SUDS3: variants seen among roughly 807,000 people sequenced by gnomAD.
The protein encoded by SUDS3 is SIN3A corepressor complex component SDS3.
In SUDS3, 23 loss-of-function variants were observed where a neutral mutation model predicts 53.5. The observed-to-expected ratio is 0.43, with a 90% CI of 0.31 to 0.61. SUDS3 has a LOEUF of 0.61. Among genes scored for constraint, SUDS3 ranks in the 20% least tolerant of loss-of-function variants. The pLI is 0.10. For missense variants in SUDS3, 291 were observed against 405.9 expected, an observed-to-expected ratio of 0.72 and a Z score of 2.43; for synonymous variants, 150 against 148.5, an observed-to-expected ratio of 1.01 and a Z score of -0.08.
At chr12:118,382,917 C>T (rs1232541285) in intron 2 of SUDS3, among the ~76,000 whole-genome samples, 4 of 152,070 alleles carry the variant, frequency 2.6e-5, no homozygotes, top group Middle Eastern at 3.2e-3. Flanking sequence ...ATCCACCCGC[C>T]TCGGCCTCCT....
intron 10 of SUDS3, among the ~76,000 whole-genome samples, chr12:118,408,002 A>G (rs2046323248): frequency 6.6e-6 from 1 of 151,534 alleles, no homozygotes; most frequent in African/African-American, 2.4e-5. Context: ...CCCGAGTTCA[A>G]GCTGTTCTCT....
At chr12:118,407,145 C>T (rs2046315503) in intron 10 of SUDS3, among the ~76,000 whole-genome samples, 1 of 152,170 alleles carries the variant, frequency 6.6e-6, no homozygotes, top group Non-Finnish European at 1.5e-5. Flanking sequence ...AGTGATCCTC[C>T]TGCCTCAGCC....
At chr12:118,395,050 G>A (rs528951259) in intron 6 of SUDS3, among the ~76,000 whole-genome samples, 24 of 152,104 alleles carry the variant, frequency 1.6e-4, no homozygotes, top group Admixed American at 1.4e-3. Flanking sequence ...TAAGTTTCAC[G>A]CGTATGCAAT....
At chr12:118,400,581 G>A (rs564495298) in intron 6 of SUDS3, 78 bp from the exon 7 acceptor site, 13 of 1,381,618 alleles carry the variant, frequency 9.4e-6, no homozygotes, top group African/African-American at 7.1e-5. Context: ...CTGGGGGGCA[G>A]ATATTCTTAT....
At chr12:118,406,875 G>A (rs975831712) in intron 10 of SUDS3, among the ~76,000 whole-genome samples, 4 of 132,632 alleles carry the variant, frequency 3.0e-5, no homozygotes, top group African/African-American at 8.8e-5. Flanking sequence ...ATCTTTAACC[G>A]CCCCCGCCCC....
intron 10 of SUDS3, among the ~76,000 whole-genome samples, chr12:118,407,792 C>T (rs904321010): frequency 3.3e-5 from 5 of 151,306 alleles, no homozygotes; most frequent in African/African-American, 1.2e-4. Context: ...AATCTTGGCT[C>T]ACTGCAGACT....
intron 10 of SUDS3, 64 bp downstream of exon 10, chr12:118,403,581 G>A: frequency 2.3e-6 from 3 of 1,309,294 alleles, no homozygotes; most frequent in South Asian, 1.3e-5. Flanking sequence ...AGAGGGCTGG[G>A]GCTATTGTAG....
At chr12:118,412,215 C>T (rs1015795285) in intron 11 of SUDS3, among the ~76,000 whole-genome samples, 1 of 152,168 alleles carries the variant, frequency 6.6e-6, no homozygotes, top group Non-Finnish European at 1.5e-5. Context: ...AGTATATAAG[C>T]AATGTGTAAC....
chr12:118,402,255 T>C (rs1453453912), intron 9 of SUDS3: 1 of 542,412 alleles, frequency 1.8e-6, no homozygotes, highest in Non-Finnish European at 3.2e-6. Context: ...TTTGATTGAT[T>C]GATTGATTTC....
chr12:118,390,600 C>T (rs1183517738), intron 5 of SUDS3, among the ~76,000 whole-genome samples: 1 of 152,166 alleles, frequency 6.6e-6, no homozygotes, highest in African/African-American at 2.4e-5. Flanking sequence ...AAGTGAGGTA[C>T]TCACATCCTT....
intron 4 of SUDS3, among the ~76,000 whole-genome samples, chr12:118,388,111 G>GGGTT (rs2046131267): frequency 6.6e-6 from 1 of 152,254 alleles, no homozygotes; most frequent in African/African-American, 2.4e-5. Context: ...CAGATCTGAA[G>GGGTT]CTGTTATAGG....
chr12:118,410,589 TTTA>T (rs202106438), intron 10 of SUDS3, among the ~76,000 whole-genome samples: 15,238 of 138,766 alleles, frequency 0.11, 1,016 homozygotes, highest in Middle Eastern at 0.18. Flanking sequence ...ATTTTATTTA[TTTA>T]TTTATTTATT....
chr12:118,383,912 G>T, intron 2 of SUDS3, 100 bp from the exon 3 acceptor site: 1 of 1,059,430 alleles, frequency 9.4e-7, no homozygotes, highest in South Asian at 1.5e-5. Flanking sequence ...GGACATTAAT[G>T]ACCTTCCCAT....
rs144448883 is a variant in SUDS3, at chr12:118,396,493, A to G, written c.518-4166A>G. Among the ~76,000 whole-genome samples, 263 of 152,206 alleles carry G rather than the reference A, an allele frequency of 1.7e-3. 4 individuals carry two copies. In the East Asian group the frequency reaches 0.022, roughly 13 times the overall value. ...GGTCTTGAACTCCTGGGCTCAAGCA[A>G]TCCACCCTCCTTGGCCCCCCCAAAG... On this transcript the variant is annotated intron_variant, in intron 6 of 11. Transcript: ENST00000543473.
chr12:118,397,248 G>T (rs1349138815), intron 6 of SUDS3, among the ~76,000 whole-genome samples: 3 of 152,070 alleles, frequency 2.0e-5, no homozygotes, highest in Non-Finnish European at 4.4e-5. Context: ...ACACCCCAGG[G>T]TCTGAGCTTC....
At chr12:118,394,890 T>C (rs1309560420) in intron 6 of SUDS3, among the ~76,000 whole-genome samples, 1 of 152,166 alleles carries the variant, frequency 6.6e-6, no homozygotes, top group African/African-American at 2.4e-5. Flanking sequence ...TTTGCCATGT[T>C]GCGTAGCTGG....
intron 7 of SUDS3, among the ~76,000 whole-genome samples, chr12:118,401,041 G>A (rs1388145687): frequency 6.6e-6 from 1 of 151,958 alleles, no homozygotes; most frequent in Non-Finnish European, 1.5e-5. Context: ...AAGATTCAGG[G>A]GCATCTGAAA....
chr12:118,416,250 A>G lies in SUDS3; in HGVS notation c.*1817A>G, dbSNP rs2046399672. 1 of 152,202 alleles carries G rather than the reference A, an allele frequency of 6.6e-6. No homozygotes were observed. Among genetic ancestry groups the G allele is most frequent in the Non-Finnish European group, 1.5e-5 (1 of 68,042 alleles). 9.4% of individuals were successfully genotyped at this position (152,202 alleles called of 1,614,324 possible). ...TATATTTCATGTATTTTTCCATTGA[A>G]GGTGGAGTTTTTCAATGATCATGTG... is the stretch of plus-strand genomic sequence containing the variant. On this transcript the variant is annotated 3_prime_UTR_variant, in exon 12 of 12. Transcript: ENST00000543473.
intron 11 of SUDS3, among the ~76,000 whole-genome samples, chr12:118,412,613 T>C (rs770561902): frequency 3.3e-5 from 5 of 152,196 alleles, no homozygotes; most frequent in Non-Finnish European, 4.4e-5. Context: ...CACGATTTCA[T>C]GGTAATCATT....
Sources: allele counts gnomAD v4.1 joint callset (sites outside exome capture counted in the v4.1 genomes callset), GRCh38; gene constraint gnomAD v4.1.1; transcripts MANE v1.5; gene names NCBI Gene and HGNC (gene_info 2026-07-23, HGNC 2026-07-21).